TAB3: variants seen among roughly 807,000 people sequenced by gnomAD.
TAB3 encodes the protein TGF-beta activated kinase 1 (MAP3K7) binding protein 3.
TAB3 carries 18 observed loss-of-function variants against 48.1 expected under a neutral mutation model. That is an observed-to-expected ratio of 0.37 (90% confidence interval 0.26 to 0.55). TAB3 has a LOEUF of 0.55. Ranked by LOEUF, TAB3 falls within the 20% of genes least tolerant of loss-of-function variation. The pLI, the probability that TAB3 is intolerant of heterozygous loss-of-function variation, is 0.78. For synonymous variants in TAB3, 185 were observed against 190.2 expected (o/e 0.97, Z 0.22); for missense variants, 414 against 549.8 (o/e 0.75, Z 2.47).
chrX:30,831,615 T>C (rs781111902), intron 10 of TAB3, 40 bp from the exon 11 acceptor site: 8 of 1,159,147 alleles, frequency 6.9e-6, no homozygotes, highest in Admixed American at 2.4e-5. Flanking sequence ...GGAAGGTAAA[T>C]AGATTAACCT....
At chrX:30,858,788 G>T (rs1280715292) in intron 5 of TAB3, among the ~76,000 whole-genome samples, 1 of 111,870 alleles carries the variant, frequency 8.9e-6, no homozygotes, top group Admixed American at 9.5e-5. Flanking sequence ...CAACTTCTCT[G>T]TTTGTTGTCC....
At chrX:30,839,914 T>TTATATATATATATATA (rs56260124) in intron 9 of TAB3, among the ~76,000 whole-genome samples, 1 of 82,216 alleles carries the variant, frequency 1.2e-5, no homozygotes, top group East Asian at 3.7e-4. Flanking sequence ...CATATATATA[T>TTATATATATATATATA]TATATATATA....
At chrX:30,850,713 CAAAAAAAAAAAAAGA>C (rs1569210527) in intron 7 of TAB3, among the ~76,000 whole-genome samples, 1 of 64,316 alleles carries the variant, frequency 1.6e-5, no homozygotes, top group African/African-American at 5.8e-5. Flanking sequence ...CTCTCCATCT[CAAAAAAAAAAAAAGA>C]AAGAAAGAAA....
chrX:30,839,398 G>A (rs1014728113), intron 9 of TAB3, among the ~76,000 whole-genome samples: 36 of 111,258 alleles, frequency 3.2e-4, no homozygotes, highest in Admixed American at 3.0e-3. Context: ...ATAAGTCAAT[G>A]AGATAGAAAA....
chrX:30,882,516 G>A (rs935952312), intron 1 of TAB3, among the ~76,000 whole-genome samples: 6 of 111,696 alleles, frequency 5.4e-5, no homozygotes, highest in African/African-American at 2.0e-4. Context: ...ACAGTAATAG[G>A]ACTCTCTCCT....
intron 1 of TAB3, among the ~76,000 whole-genome samples, chrX:30,880,095 A>C (rs1166913637): frequency 8.9e-6 from 1 of 111,905 alleles, no homozygotes; most frequent in African/African-American, 3.2e-5. Flanking sequence ...TAAAGATGTC[A>C]ATTCTTCCCA....
At chrX:30,860,175 C>G (rs1482379821) in intron 4 of TAB3, among the ~76,000 whole-genome samples, 1 of 111,807 alleles carries the variant, frequency 8.9e-6, no homozygotes, top group Non-Finnish European at 1.9e-5. Flanking sequence ...AAATACATAC[C>G]TACAAAAATA....
At chrX:30,878,516 A>AAAAAAAG (rs57251085) in intron 1 of TAB3, among the ~76,000 whole-genome samples, 91 of 79,577 alleles carry the variant, frequency 1.1e-3, no homozygotes, top group African/African-American at 4.3e-3. Flanking sequence ...AAAAAAAAAA[A>AAAAAAAG]AAAGAAAGAA....
At position 30,831,446 on chromosome X, in the gene TAB3, T is replaced by G; in HGVS notation, c.2120A>C (p.Glu707Ala). 1 of 1,210,425 alleles carries G rather than the reference T, an allele frequency of 8.3e-7. No individual in the cohort carries two copies. The highest frequency in any genetic ancestry group is 1.1e-6 in the Non-Finnish European group (1 of 895,017). The stretch of plus-strand genomic sequence containing the variant: ...CTGAATTCAGGTGTACCGTGGCATC[T>G]CGCACTGCTCACAGCGATTTAGTGC... ...HPALNRCEQC[E>A]MPRYT is the part of the protein sequence containing the mutation. Residue 707 changes from glutamate to alanine, a missense_variant, in exon 11 of 11, where the codon GAG (glutamate) becomes GCG (alanine). Coordinates refer to ENST00000288422, the MANE Select transcript of TAB3 (RefSeq NM_152787.5).
chrX:30,883,723 C>T (rs187429002), intron 1 of TAB3, among the ~76,000 whole-genome samples: 2 of 112,139 alleles, frequency 1.8e-5, no homozygotes, highest in East Asian at 5.6e-4. Context: ...GTACTCAGTG[C>T]ATGTTCCTGC....
At position 30,854,880 on chromosome X, in the gene TAB3, C is replaced by A; in HGVS notation, c.785G>T (p.Ser262Ile). Residue 262 changes from serine to isoleucine, a missense_variant, in exon 6 of 11, where the codon AGC becomes ATC. Transcript: ENST00000288422. ...TGGATAAACAGGTAAAGGACGCTGG[C>A]TATAGTGAGGCACTGGGCCCTGTGG... ...SSPQGPVPHY[S>I]QRPLPVYPHQ... 6.6e-6 allele frequency: 8 copies of A among 1,210,704 alleles called. No homozygotes were observed. Among genetic ancestry groups the A allele is most frequent in the Non-Finnish European group, 8.9e-6 (8 of 894,999 alleles).
intron 1 of TAB3, among the ~76,000 whole-genome samples, chrX:30,887,460 T>C (rs1176410753): frequency 2.7e-5 from 3 of 112,765 alleles, no homozygotes; most frequent in Non-Finnish European, 3.7e-5. Flanking sequence ...TAACACAAAT[T>C]TCCATTTTCA....
chrX:30,886,264 G>A (rs778684464), intron 1 of TAB3, among the ~76,000 whole-genome samples: 28 of 110,895 alleles, frequency 2.5e-4, no homozygotes, highest in Admixed American at 2.2e-3. Flanking sequence ...ATCTTTATAC[G>A]GTGGCAATAT....
chrX:30,847,210 T>A (rs1210953192), intron 7 of TAB3, among the ~76,000 whole-genome samples: 4 of 111,441 alleles, frequency 3.6e-5, no homozygotes, highest in African/African-American at 1.3e-4. Context: ...AGGATTTATA[T>A]AAAAGACTCC....
At chrX:30,844,866 G>C (rs1938570010) in intron 8 of TAB3, 1 of 112,427 alleles carries the variant, frequency 8.9e-6, no homozygotes, top group African/African-American at 3.2e-5. Flanking sequence ...CTGTTGCCTA[G>C]GCTAGAGTGC....
chrX:30,876,536 C>T (rs1250629940), intron 1 of TAB3, among the ~76,000 whole-genome samples: 1 of 111,706 alleles, frequency 9.0e-6, no homozygotes, highest in Non-Finnish European at 1.9e-5. Context: ...GACCGGGTCT[C>T]GCTCTGTCAC....
At chrX:30,888,509 C>A (rs1388602775) in intron 1 of TAB3, among the ~76,000 whole-genome samples, 1 of 112,386 alleles carries the variant, frequency 8.9e-6, no homozygotes, top group African/African-American at 3.2e-5. Context: ...AGCTGGCACA[C>A]GGTAGTAAAC....
chrX:30,869,064 A>ATT (rs1292480074), intron 2 of TAB3, among the ~76,000 whole-genome samples: 5 of 98,973 alleles, frequency 5.1e-5, no homozygotes, highest in Admixed American at 2.2e-4. Flanking sequence ...TCCACCCCAC[A>ATT]TTTTTTTTTT....
intron 4 of TAB3, among the ~76,000 whole-genome samples, chrX:30,863,008 ACTTTC>A (rs1939295660): frequency 8.9e-6 from 1 of 112,650 alleles, no homozygotes; most frequent in South Asian, 3.6e-4. Context: ...GGTTATAAAT[ACTTTC>A]CTTTGAAGAA....
Sources: gnomAD v4.1 joint callset for allele counts (sites outside exome capture counted in the v4.1 genomes callset) on GRCh38, gnomAD v4.1.1 for gene constraint, MANE v1.5 for transcripts, NCBI Gene and HGNC (gene_info 2026-07-23, HGNC 2026-07-21) for gene names.